Variants in KREMEN1 observed in about 807,000 individuals in gnomAD.
The protein encoded by KREMEN1 is kringle containing transmembrane protein 1.
KREMEN1 carries 30 observed loss-of-function variants against 46.5 expected under a neutral mutation model. The ratio of observed to expected loss-of-function variants is 0.65; its 90% CI spans 0.48 to 0.88. The LOEUF is 0.88. Ranked by LOEUF, KREMEN1 falls within the 40% of genes least tolerant of loss-of-function variation. The probability of loss-of-function intolerance (pLI) is 0.00; values close to 1 mark genes in which losing one functional copy is unlikely to be tolerated. For missense variants in KREMEN1, 533 were observed against 596.9 expected, an observed-to-expected ratio of 0.89 and a Z score of 1.11; for synonymous variants, 214 against 230.6, an observed-to-expected ratio of 0.93 and a Z score of 0.65.
intron 9 of KREMEN1, among the ~76,000 whole-genome samples, chr22:29,165,288 T>C (rs2039043441): frequency 6.6e-6 from 1 of 151,612 alleles, no homozygotes; most frequent in Non-Finnish European, 1.5e-5. Context: ...TGTGTACTTG[T>C]AGTCCTCCGG....
chr22:29,161,544 G>A (rs1285598157), intron 9 of KREMEN1, among the ~76,000 whole-genome samples: 1 of 146,878 alleles, frequency 6.8e-6, no homozygotes, highest in East Asian at 2.0e-4. Context: ...TATTGAATTG[G>A]TACTAAAAAA....
Position 29,153,522 on chromosome 22 carries a change from CT to C in KREMEN1, c.1416+11432del, listed in dbSNP as rs1013818991. Among the ~76,000 whole-genome samples, 9 of 150,062 alleles carry C rather than the reference CT, an allele frequency of 6.0e-5. No individual in the cohort carries two copies. The East Asian group carries it at 9.8e-4, about 16-fold the overall frequency. On this transcript the variant is annotated intron_variant, in intron 9 of 9. Transcript: ENST00000327813. ...GGCTGCTACGTCCAGCTGATTTTTT[CT>C]TTTTTTTTTAATTATTGTAGAGACA...
downstream of KREMEN1, chr22:29,146,826 G>A (rs2038873109): frequency 2.1e-6 from 2 of 966,990 alleles, no homozygotes; most frequent in South Asian, 9.6e-5. Context: ...AAAGAGTGAT[G>A]GGCCCTATGC....
At chr22:29,087,428 G>C (rs2037746290) in intron 1 of KREMEN1, among the ~76,000 whole-genome samples, 1 of 152,208 alleles carries the variant, frequency 6.6e-6, no homozygotes, top group Non-Finnish European at 1.5e-5. Flanking sequence ...TTTCTCAATA[G>C]TGTGTTTTTG....
intron 9 of KREMEN1, among the ~76,000 whole-genome samples, chr22:29,155,913 G>A (rs138036354): frequency 6.0e-4 from 91 of 151,480 alleles, no homozygotes; most frequent in African/African-American, 2.0e-3. Context: ...GAACTGAGAC[G>A]GTGCCACTGC....
intron 2 of KREMEN1, among the ~76,000 whole-genome samples, chr22:29,095,077 C>T (rs1257375976): frequency 2.0e-5 from 3 of 152,144 alleles, no homozygotes; most frequent in Non-Finnish European, 4.4e-5. Context: ...CCTACACTAC[C>T]GAGAATGTCG....
intron 5 of KREMEN1, among the ~76,000 whole-genome samples, chr22:29,133,648 CTG>C (rs113793921): frequency 0.14 from 21,640 of 150,690 alleles, 1,794 homozygotes; most frequent in Non-Finnish European, 0.18. Flanking sequence ...TCTTCTTTGT[CTG>C]TTTTTTTTTG....
chr22:29,106,017 AG>A (rs1326709793), intron 3 of KREMEN1, among the ~76,000 whole-genome samples: 3 of 152,246 alleles, frequency 2.0e-5, no homozygotes, highest in Non-Finnish European at 4.4e-5. Context: ...ATCCCTGATA[AG>A]GGTTTTTAAA....
chr22:29,099,772 T>C (rs1304420546), intron 3 of KREMEN1, among the ~76,000 whole-genome samples: 1 of 152,050 alleles, frequency 6.6e-6, no homozygotes, highest in East Asian at 1.9e-4. Context: ...ATGGTCTCGA[T>C]CTCTTGACCT....
intron 2 of KREMEN1, among the ~76,000 whole-genome samples, chr22:29,097,815 C>T (rs1002186327): frequency 6.6e-6 from 1 of 152,044 alleles, no homozygotes; most frequent in Admixed American, 6.6e-5. Context: ...GGTGTACATT[C>T]TTTCCTAAAT....
intron 5 of KREMEN1, among the ~76,000 whole-genome samples, chr22:29,125,789 G>GTT (rs201342171): frequency 1.4e-5 from 2 of 147,284 alleles, no homozygotes; most frequent in African/African-American, 2.5e-5. Context: ...CCTTTTGACT[G>GTT]TTTTTTTTTT....
chr22:29,139,031 A>T (rs763384797), intron 7 of KREMEN1, among the ~76,000 whole-genome samples: 4 of 152,234 alleles, frequency 2.6e-5, no homozygotes, highest in Admixed American at 6.5e-5. Flanking sequence ...CATTGTGACT[A>T]ATCAGCTAAT....
At chr22:29,124,445 G>A (rs1264621651) in intron 4 of KREMEN1, among the ~76,000 whole-genome samples, 2 of 151,650 alleles carry the variant, frequency 1.3e-5, no homozygotes, top group African/African-American at 2.4e-5. Context: ...AATTATTGGG[G>A]TAATGGAGCT....
In KREMEN1 at chr22:29,143,182, T is replaced by C; in HGVS notation, c.*1070T>C. ...ACAAAACACAAATAAACAAAAAAAA[T>C]CCATTCATTTACTCATGCAATAAAT... On this transcript the variant is annotated 3_prime_UTR_variant, in exon 9 of 9. Transcript: ENST00000400335. 1.0e-6 allele frequency: 1 copy of C among 984,644 alleles called. No homozygotes were observed. The highest frequency in any genetic ancestry group is 1.2e-6 in the Non-Finnish European group (1 of 829,634). 61.0% of individuals were successfully genotyped at this position (984,644 alleles called of 1,614,324 possible). A position where few individuals can be genotyped will look rare whatever the true frequency, so the allele number is the denominator to read the frequency against.
At chr22:29,094,196 A>C in intron 1 of KREMEN1, 62 bp from the exon 2 acceptor site, 3 of 1,418,400 alleles carry the variant, frequency 2.1e-6, no homozygotes, top group Non-Finnish European at 2.9e-6. Flanking sequence ...CATCAACCAA[A>C]GAGGGAGGAA....
chr22:29,079,269 T>G (rs1395198773), intron 1 of KREMEN1, among the ~76,000 whole-genome samples: 1 of 152,196 alleles, frequency 6.6e-6, no homozygotes, highest in African/African-American at 2.4e-5. Context: ...CCTGCACTTG[T>G]ACCAGTTTAA....
At chr22:29,113,245 C>T (rs1300360409) in intron 3 of KREMEN1, among the ~76,000 whole-genome samples, 1 of 152,192 alleles carries the variant, frequency 6.6e-6, no homozygotes, top group Non-Finnish European at 1.5e-5. Context: ...TCTTCTTTGT[C>T]CAGTAGGAAT....
At chr22:29,148,528 A>G (rs549876841), downstream of KREMEN1, among the ~76,000 whole-genome samples, 7 of 150,906 alleles carry the variant, frequency 4.6e-5, no homozygotes, top group South Asian at 2.1e-4. Context: ...ATCTCTGCTC[A>G]CTGCAACCTC....
rs1217917377 is a variant in KREMEN1 at position 29,073,480 on chromosome 22, C to A, written c.97+253C>A. Among the ~76,000 whole-genome samples the A allele has an allele frequency of 6.6e-6, 1 of 152,076 alleles. No individual in the cohort carries two copies. The highest frequency in any genetic ancestry group is 2.1e-4 in the South Asian group (1 of 4,830). ...GGACCCGGTGCTCCTCAGCGACGCC[C>A]CTCAGCCCAGGAGGCCCTCTCCGCC... On this transcript the variant is annotated intron_variant, in intron 1 of 8. Coordinates refer to ENST00000400335, the MANE Select transcript of KREMEN1 (RefSeq NM_001039570.3). This position sits in a 1 kb window ranked among gnomAD's most constrained non-coding sequence, Gnocchi z 4.4.
Sources: allele counts gnomAD v4.1 joint callset (sites outside exome capture counted in the v4.1 genomes callset), GRCh38; gene constraint gnomAD v4.1.1; non-coding constraint Gnocchi (gnomAD v3.1); transcripts MANE v1.5; gene names NCBI Gene and HGNC (gene_info 2026-07-23, HGNC 2026-07-21).